The following TMIGD3 variants were observed in gnomAD, a reference collection of about 807,000 sequenced individuals.
TMIGD3 encodes transmembrane and immunoglobulin domain containing 3, also known as AD026 protein (AD026).
Under a neutral mutation model 28.1 loss-of-function variants are expected in TMIGD3, and 21 were observed. The observed-to-expected ratio is 0.75, with a 90% CI of 0.53 to 1.08. The LOEUF (loss-of-function observed/expected upper bound fraction) is 1.08, where lower values mean the gene tolerates loss of function less well. Ranked by LOEUF, TMIGD3 falls within the 50% of genes least tolerant of loss-of-function variation. The probability of loss-of-function intolerance (pLI) is 0.00; values close to 1 mark genes in which losing one functional copy is unlikely to be tolerated. For synonymous variants in TMIGD3, 151 were observed against 162.1 expected (o/e 0.93, Z 0.52); for missense variants, 416 against 435.6 (o/e 0.96, Z 0.40).
intron 1 of TMIGD3, among the ~76,000 whole-genome samples, chr1:111,536,414 C>T (rs1407514710): frequency 1.3e-5 from 2 of 152,124 alleles, no homozygotes; most frequent in South Asian, 4.2e-4. Context: ...GATGAGCCAT[C>T]TTAGGACACA....
chr1:111,493,983 T>A (rs1251707964), intron 1 of TMIGD3, among the ~76,000 whole-genome samples: 1 of 149,082 alleles, frequency 6.7e-6, no homozygotes, highest in Non-Finnish European at 1.5e-5. Flanking sequence ...CTAGAAAATG[T>A]GCATTTGGTT....
At chr1:111,514,926 A>G (rs1655809296) in intron 1 of TMIGD3, among the ~76,000 whole-genome samples, 1 of 152,172 alleles carries the variant, frequency 6.6e-6, no homozygotes, top group Admixed American at 6.5e-5. Context: ...TTTCACAGAT[A>G]AGAATATTGA....
intron 1 of TMIGD3, among the ~76,000 whole-genome samples, chr1:111,527,006 C>CTTTTTTTTTTTTTTTTTTTTTTT: frequency 1.1e-5 from 1 of 87,730 alleles, no homozygotes; most frequent in Non-Finnish European, 2.0e-5. Context: ...TCCTCAATGT[C>CTTTTTTTTTTTTTTTTTTTTTTT]TTTTTTTTTT....
chr1:111,489,660 G>A, intron 2 of TMIGD3: 21 of 1,154,066 alleles, frequency 1.8e-5, no homozygotes, highest in Non-Finnish European at 2.1e-5. Flanking sequence ...AGAGCCTGAG[G>A]CTTACCGTTA....
chr1:111,519,744 G>A (rs1176756830), intron 1 of TMIGD3, among the ~76,000 whole-genome samples: 6 of 150,914 alleles, frequency 4.0e-5, no homozygotes, highest in Admixed American at 2.0e-4. Flanking sequence ...CCAGGTTGGA[G>A]TGCAGTGGCA....
upstream of TMIGD3, chr1:111,505,002 C>T: frequency 1.0e-6 from 1 of 985,150 alleles, no homozygotes; most frequent in Non-Finnish European, 1.2e-6. Context: ...ACTGCTGGAA[C>T]TTGAAAAGCT....
chr1:111,483,801 G>T, intron 5 of TMIGD3, 44 bp from the exon 6 acceptor site: 1 of 1,496,060 alleles, frequency 6.7e-7, no homozygotes, highest in Non-Finnish European at 9.3e-7. Flanking sequence ...GAGATCTATT[G>T]CCTACCCCTG....
chr1:111,535,890 G>A (rs2101018813), intron 1 of TMIGD3, among the ~76,000 whole-genome samples: 1 of 152,310 alleles, frequency 6.6e-6, no homozygotes, highest in South Asian at 2.1e-4. Context: ...CAGCTTCATT[G>A]TATGAGGAGA....
intron 1 of TMIGD3, among the ~76,000 whole-genome samples, chr1:111,523,843 T>C (rs1440121682): frequency 1.3e-5 from 2 of 151,970 alleles, no homozygotes; most frequent in East Asian, 1.9e-4. Flanking sequence ...TTAGTCTTTT[T>C]CTTGATCAAT....
At chr1:111,513,815 A>G (rs1300484939) in intron 1 of TMIGD3, among the ~76,000 whole-genome samples, 1 of 152,122 alleles carries the variant, frequency 6.6e-6, no homozygotes, top group Non-Finnish European at 1.5e-5. Context: ...TTTCCTGCCA[A>G]TAATGCTAGC....
At chr1:111,527,151 C>T (rs1374452240) in intron 1 of TMIGD3, among the ~76,000 whole-genome samples, 3 of 151,638 alleles carry the variant, frequency 2.0e-5, no homozygotes, top group Admixed American at 2.0e-4. Context: ...GCTGGGACTA[C>T]AGGTGCATGC....
chr1:111,506,503 A>C (rs181259508), upstream of TMIGD3, among the ~76,000 whole-genome samples: 1 of 152,246 alleles, frequency 6.6e-6, no homozygotes, highest in Admixed American at 6.5e-5. Flanking sequence ...CAAAGTTGTA[A>C]GCTAGGCAGT....
At chr1:111,523,899 T>A (rs1309844725) in intron 1 of TMIGD3, among the ~76,000 whole-genome samples, 3 of 151,864 alleles carry the variant, frequency 2.0e-5, no homozygotes, top group African/African-American at 7.3e-5. Context: ...AAGAATCTGC[T>A]TTTGTTTCAA....
intron 2 of TMIGD3, chr1:111,489,521 G>C: frequency 1.0e-6 from 1 of 981,554 alleles, no homozygotes; most frequent in Non-Finnish European, 1.2e-6. Flanking sequence ...CCAGACTGTG[G>C]TTTTGTTGCT....
At chr1:111,561,555 A>G (rs1455371925) in intron 1 of TMIGD3, among the ~76,000 whole-genome samples, 4 of 152,198 alleles carry the variant, frequency 2.6e-5, no homozygotes, top group South Asian at 4.1e-4. Context: ...TGAGATACAG[A>G]GGTCATAGTC....
At chr1:111,558,273 G>GC (rs1657585094) in intron 1 of TMIGD3, among the ~76,000 whole-genome samples, 1 of 152,114 alleles carries the variant, frequency 6.6e-6, no homozygotes, top group Non-Finnish European at 1.5e-5. Context: ...CATGTCCCAG[G>GC]CTCAAGTGGT....
intron 1 of TMIGD3, among the ~76,000 whole-genome samples, chr1:111,491,456 C>T (rs187398127): frequency 1.3e-5 from 2 of 152,346 alleles, no homozygotes; most frequent in African/African-American, 2.4e-5. Context: ...TATTGAATCA[C>T]CTCTCAGGTG....
intron 1 of TMIGD3, among the ~76,000 whole-genome samples, chr1:111,546,845 A>G (rs538240429): frequency 3.9e-5 from 6 of 152,164 alleles, no homozygotes; most frequent in Non-Finnish European, 8.8e-5. Flanking sequence ...AGGAATTGTC[A>G]TATTGGTTTT....
chr1:111,534,827 T>C (rs1260978470), intron 1 of TMIGD3, among the ~76,000 whole-genome samples: 1 of 152,146 alleles, frequency 6.6e-6, no homozygotes, highest in Non-Finnish European at 1.5e-5. Flanking sequence ...CTTCCTCCCT[T>C]ACTCTCCACC....
Sources: gnomAD v4.1 joint callset for allele counts (sites outside exome capture counted in the v4.1 genomes callset) on GRCh38, gnomAD v4.1.1 for gene constraint, MANE v1.5 for transcripts, NCBI Gene and HGNC (gene_info 2026-07-23, HGNC 2026-07-21) for gene names.